The following GPRC5C variants were observed in gnomAD, a reference collection of about 807,000 sequenced individuals.
The protein encoded by GPRC5C is G protein-coupled receptor family C group 5 member C.
A neutral mutation model predicts 31.4 loss-of-function variants in GPRC5C; 22 were observed. That is an observed-to-expected ratio of 0.70 (90% CI 0.50 to 1.00). The LOEUF (loss-of-function observed/expected upper bound fraction) is 1.00. Ranked by LOEUF, GPRC5C falls within the 50% of genes least tolerant of loss-of-function variation. GPRC5C has a pLI of 0.00. For synonymous variants in GPRC5C, 249 were observed against 257.5 expected (o/e 0.97, Z 0.32); for missense variants, 557 against 597.2 (o/e 0.93, Z 0.70).
intron 1 of GPRC5C, among the ~76,000 whole-genome samples, chr17:74,433,320 G>A (rs1013127523): frequency 6.6e-6 from 1 of 152,024 alleles, no homozygotes; most frequent in Non-Finnish European, 1.5e-5. Flanking sequence ...ACATTCCAGA[G>A]CAGACCCTTG....
chr17:74,432,693 G>A (rs1332327245), intron 1 of GPRC5C, among the ~76,000 whole-genome samples: 1 of 152,060 alleles, frequency 6.6e-6, no homozygotes, highest in Non-Finnish European at 1.5e-5. Context: ...GGGACTGGGG[G>A]GGTGGGGGAG....
intron 1 of GPRC5C, chr17:74,433,778 G>T (rs75838240): frequency 0.023 from 36,595 of 1,577,258 alleles, 537 homozygotes; most frequent in Non-Finnish European, 0.027. Context: ...AGTTTGGTTG[G>T]CCCTGTGACG....
At chr17:74,435,029 C>G (rs2055413019) in intron 1 of GPRC5C, among the ~76,000 whole-genome samples, 1 of 151,852 alleles carries the variant, frequency 6.6e-6, no homozygotes, top group Non-Finnish European at 1.5e-5. Context: ...ACCATCCTAG[C>G]TAACACGGTG....
chr17:74,433,406 GA>G (rs2055384816), intron 1 of GPRC5C, among the ~76,000 whole-genome samples: 1 of 147,860 alleles, frequency 6.8e-6, no homozygotes, highest in Non-Finnish European at 1.5e-5. Flanking sequence ...GGGGCAGGGG[GA>G]TAGGGGTGGG....
Position 74,447,313 on chromosome 17 carries a change from G to T in GPRC5C, c.*285G>T. 8.5e-7 allele frequency: 1 copy of T among 1,170,322 alleles called. No homozygotes were observed. Among genetic ancestry groups the T allele is most frequent in the Non-Finnish European group, 1.1e-6 (1 of 945,166 alleles). 72.5% of individuals were successfully genotyped at this position (1,170,322 alleles called of 1,614,324 possible). A position where few individuals can be genotyped will look rare whatever the true frequency, so the allele number is the denominator to read the frequency against. On this transcript the variant is annotated 3_prime_UTR_variant, in exon 4 of 4. Transcript: ENST00000392627. The stretch of plus-strand genomic sequence containing the variant: ...GTTCTCGGGGTGGTGGCTGGGCAGC[G>T]CCTATGTTTCTCTGGAGATTCCTGC...
At chr17:74,441,808 CA>C (rs59602459) in intron 2 of GPRC5C, among the ~76,000 whole-genome samples, 629 of 136,916 alleles carry the variant, frequency 4.6e-3, no homozygotes, top group Non-Finnish European at 6.1e-3. Context: ...TGGATGATCT[CA>C]AAAAAAAAAA....
chr17:74,440,096 G>A lies in GPRC5C; in HGVS notation c.320G>A (p.Cys107Tyr), dbSNP rs1380986820. Residue 107 changes from cysteine (C) to tyrosine (Y), a missense_variant, in exon 2 of 4, where the codon TGT becomes TAT. By Grantham distance (194) the Cys-to-Tyr change is radical (BLOSUM62 -2). Transcript: ENST00000392627. This position sits in a 1 kb window ranked among gnomAD's most constrained non-coding sequence, Gnocchi z 4.4. ...GGCCTCTTCTGCCTCGTGTTTGCCTGTGTGGTGAAGCCCGACTTCTCCACC... is the reference window on the plus strand; with the variant it reads ...GGCCTCTTCTGCCTCGTGTTTGCCTATGTGGTGAAGCCCGACTTCTCCACC... ...TLGLFCLVFACVVKPDFSTCA... is the reference protein window; with the variant it reads ...TLGLFCLVFAYVVKPDFSTCA... The A allele has an allele frequency of 1.9e-6, 3 of 1,613,862 alleles. No homozygotes were observed. The highest frequency in any genetic ancestry group is 2.2e-5 in the East Asian group (1 of 44,896).
At chr17:74,437,629 ATTT>A (rs57390968) in intron 1 of GPRC5C, among the ~76,000 whole-genome samples, 2 of 129,858 alleles carry the variant, frequency 1.5e-5, no homozygotes, top group Non-Finnish European at 3.1e-5. Context: ...TATGGACAGA[ATTT>A]TTTTTTTTTT....
At chr17:74,446,717 G>A (rs541284407) in intron 3 of GPRC5C, 132 bp from the exon 4 acceptor site, 1 of 702,714 alleles carries the variant, frequency 1.4e-6, no homozygotes, top group South Asian at 1.9e-5. Flanking sequence ...CCAGCCAGAG[G>A]GGGCAGAGGA....
chr17:74,442,924 G>T (rs375755961), intron 2 of GPRC5C, among the ~76,000 whole-genome samples: 2 of 152,150 alleles, frequency 1.3e-5, no homozygotes, highest in African/African-American at 4.8e-5. Context: ...ACTGAATGCC[G>T]GTCGGGGCCA....
intron 2 of GPRC5C, chr17:74,443,359 C>T: frequency 3.4e-6 from 1 of 289,972 alleles, no homozygotes; most frequent in South Asian, 3.0e-5. Flanking sequence ...AGGACATGAA[C>T]AGGCTTAGGC....
At chr17:74,441,447 T>C (rs962655029) in intron 2 of GPRC5C, among the ~76,000 whole-genome samples, 1 of 152,210 alleles carries the variant, frequency 6.6e-6, no homozygotes, top group African/African-American at 2.4e-5. Context: ...TTGACTGATA[T>C]AATATCTATG....
chr17:74,442,174 T>C (rs2055552140), intron 2 of GPRC5C, among the ~76,000 whole-genome samples: 1 of 152,126 alleles, frequency 6.6e-6, no homozygotes, highest in South Asian at 2.1e-4. Context: ...GGCTAATTTT[T>C]GTATTTTTAA....
chr17:74,448,145 C>T (rs1567966508), downstream of GPRC5C, among the ~76,000 whole-genome samples: 1 of 149,872 alleles, frequency 6.7e-6, no homozygotes, highest in African/African-American at 2.5e-5. Flanking sequence ...CTTGTTTCTA[C>T]AAAAAAAAAA....
intron 1 of GPRC5C, among the ~76,000 whole-genome samples, chr17:74,434,994 C>CG (rs1433665947): frequency 6.6e-6 from 1 of 151,788 alleles, no homozygotes; most frequent in African/African-American, 2.4e-5. Flanking sequence ...CCGAAGCGGG[C>CG]GGATCACGAG....
chr17:74,434,789 G>C (rs569835479), intron 1 of GPRC5C, among the ~76,000 whole-genome samples: 13 of 152,296 alleles, frequency 8.5e-5, no homozygotes, highest in Admixed American at 3.3e-4. Flanking sequence ...TGGGCATGGT[G>C]GTGGGCACCT....
Position 74,440,110 on chromosome 17 carries a change from G to C in GPRC5C, c.334G>C (p.Asp112His), listed in dbSNP as rs778301166. The C allele has an allele frequency of 4.3e-6, 7 of 1,613,946 alleles. No individual in the cohort carries two copies. The African/African-American group carries it at 5.3e-5, about 12-fold the overall frequency. Reference sequence around the variant, plus strand: ...CGTGTTTGCCTGTGTGGTGAAGCCCGACTTCTCCACCTGTGCCTCTCGGCG... The same window carrying C: ...CGTGTTTGCCTGTGTGGTGAAGCCCCACTTCTCCACCTGTGCCTCTCGGCG... The part of the protein sequence containing the change: ...CLVFACVVKP[D>H]FSTCASRRFL... Residue 112 changes from aspartate (D) to histidine (H), a missense_variant, in exon 2 of 4, where the codon GAC becomes CAC. Coordinates refer to ENST00000392627, the MANE Select transcript of GPRC5C (RefSeq NM_022036.4). The surrounding 1 kb of genome is among the most constrained non-coding windows in gnomAD (Gnocchi z 4.4).
In GPRC5C at chr17:74,440,963, T is replaced by C. The variant is rs1196683311; in HGVS notation, c.1051+136T>C. The stretch of plus-strand genomic sequence containing the variant: ...AGTTTTCTGCCTAAGTGTCTCTAAA[T>C]TCCATTTAATTTAAAGATTTTTTTT... On this transcript the variant is annotated intron_variant, in intron 2 of 3. Coordinates refer to ENST00000392627, the MANE Select transcript of GPRC5C (RefSeq NM_022036.4). This position sits in a 1 kb window ranked among gnomAD's most constrained non-coding sequence, Gnocchi z 4.4. 1.4e-5 allele frequency: 10 copies of C among 689,702 alleles called. No homozygotes were observed. Among genetic ancestry groups the C allele is most frequent in the Non-Finnish European group, 2.1e-5 (10 of 487,802 alleles). 42.7% of individuals were successfully genotyped at this position (689,702 alleles called of 1,614,324 possible).
chr17:74,449,109 T>C (rs569329870), downstream of GPRC5C, among the ~76,000 whole-genome samples: 1 of 150,014 alleles, frequency 6.7e-6, no homozygotes, highest in East Asian at 1.9e-4. Flanking sequence ...GGGGAAAAAA[T>C]GTTTTTGTTG....
Sources: gnomAD v4.1 joint callset for allele counts (sites outside exome capture counted in the v4.1 genomes callset) on GRCh38, gnomAD v4.1.1 for gene constraint, Gnocchi (gnomAD v3.1) non-coding constraint, MANE v1.5 for transcripts, NCBI Gene and HGNC (gene_info 2026-07-23, HGNC 2026-07-21) for gene names.